FHAD1: variants seen among roughly 807,000 people sequenced by gnomAD.
The protein encoded by FHAD1 is forkhead-associated domain-containing protein 1.
In FHAD1, 146 loss-of-function variants were observed where a neutral mutation model predicts 191.3. The ratio of observed to expected loss-of-function variants is 0.76; its 90% CI spans 0.67 to 0.88. FHAD1 has a LOEUF of 0.88. Ranked by LOEUF, FHAD1 falls within the 40% of genes least tolerant of loss-of-function variation. The pLI, the probability that FHAD1 is intolerant of heterozygous loss-of-function variation, is 0.00. For synonymous variants in FHAD1, 616 were observed against 672.3 expected (o/e 0.92, Z 1.29); for missense variants, 1,635 against 1,785.8 (o/e 0.92, Z 1.52).
downstream of FHAD1, among the ~76,000 whole-genome samples, chr1:15,402,785 T>C (rs1380020476): frequency 6.6e-6 from 1 of 152,190 alleles, no homozygotes; most frequent in South Asian, 2.1e-4. Context: ...CTGCTTAATA[T>C]AGCACTTTCC....
chr1:15,391,749 G>C (rs533054261), intron 33 of FHAD1, among the ~76,000 whole-genome samples: 62 of 152,334 alleles, frequency 4.1e-4, no homozygotes, highest in African/African-American at 1.3e-3. Flanking sequence ...TTCTATGCAA[G>C]GGACATTTTT....
downstream of FHAD1, among the ~76,000 whole-genome samples, chr1:15,398,920 A>C (rs560694489): frequency 1.9e-4 from 29 of 151,934 alleles, no homozygotes; most frequent in East Asian, 3.7e-3. Flanking sequence ...TCCCAGGTTC[A>C]AGCCATTCTT....
chr1:15,241,921 G>C (rs112450712), intron 1 of FHAD1, among the ~76,000 whole-genome samples: 2 of 152,210 alleles, frequency 1.3e-5, no homozygotes, highest in African/African-American at 4.8e-5. Flanking sequence ...TTTTCAATAT[G>C]TATATTATCT....
chr1:15,379,151 A>C (rs1700319565), intron 28 of FHAD1, among the ~76,000 whole-genome samples: 2 of 152,200 alleles, frequency 1.3e-5, no homozygotes, highest in Admixed American at 1.3e-4. Flanking sequence ...CGTTCAGCAT[A>C]TGGAGGATCC....
chr1:15,317,592 A>C (rs977363421), intron 9 of FHAD1, among the ~76,000 whole-genome samples: 4 of 152,252 alleles, frequency 2.6e-5, no homozygotes, highest in African/African-American at 9.6e-5. Flanking sequence ...CTTCCAAAAG[A>C]AACTAATTTC....
intron 23 of FHAD1, chr1:15,363,906 G>T (rs1695603978): frequency 5.0e-6 from 2 of 400,034 alleles, no homozygotes; most frequent in South Asian, 3.6e-5. Flanking sequence ...CCTGACCCTT[G>T]CACCAAATCC....
At chr1:15,319,707 C>G (rs1675648961) in intron 10 of FHAD1, among the ~76,000 whole-genome samples, 1 of 152,130 alleles carries the variant, frequency 6.6e-6, no homozygotes, top group South Asian at 2.1e-4. Context: ...CAAAATAAAA[C>G]ACAGACAGAC....
intron 26 of FHAD1, 50 bp from the exon 27 acceptor site, chr1:15,374,452 G>A (rs550528496): frequency 3.2e-5 from 49 of 1,545,962 alleles, no homozygotes; most frequent in Non-Finnish European, 4.3e-5. Flanking sequence ...GAATGTAAGA[G>A]AAATCTTCTA....
At chr1:15,308,489 C>T in intron 6 of FHAD1, 124 bp from the exon 7 acceptor site, 2 of 1,348,190 alleles carry the variant, frequency 1.5e-6, no homozygotes, top group Admixed American at 2.6e-5. Context: ...AACTAAAAAG[C>T]TTGGTTTCCC....
chr1:15,272,245 A>G, intron 2 of FHAD1, 78 bp from the exon 3 acceptor site: 2 of 1,330,360 alleles, frequency 1.5e-6, no homozygotes, highest in South Asian at 1.3e-5. Flanking sequence ...CAAAACAGGT[A>G]AGGCACTCAG....
chr1:15,351,883 C>A (rs1691032681), intron 19 of FHAD1, among the ~76,000 whole-genome samples: 3 of 152,038 alleles, frequency 2.0e-5, no homozygotes, highest in Non-Finnish European at 4.4e-5. Context: ...GGGTGCCACA[C>A]AGGTAATGTT....
intron 25 of FHAD1, 62 bp from the exon 26 acceptor site, chr1:15,369,308 T>C (rs1247684545): frequency 7.2e-6 from 11 of 1,519,804 alleles, no homozygotes; most frequent in Non-Finnish European, 9.8e-6. Context: ...GGTCTTCCAA[T>C]GAGTGTAAAA....
At chr1:15,330,534 T>A (rs1041272443) in intron 14 of FHAD1, among the ~76,000 whole-genome samples, 3 of 151,912 alleles carry the variant, frequency 2.0e-5, no homozygotes, top group African/African-American at 7.3e-5. Context: ...GGGGGAAGGA[T>A]GAGGTGGGCA....
Position 15,316,497 on chromosome 1 carries a change from C to T in FHAD1, c.1260+30C>T, listed in dbSNP as rs577984385. ...GTTGAGCTTCCTCCTTTGTAGGTAC[C>T]ACCAGAAAAAACAGAGTTTGACCTT... On this transcript the variant is annotated intron_variant, in intron 9 of 33. Coordinates refer to ENST00000688493, the MANE Select transcript of FHAD1 (RefSeq NM_001391957.1). The surrounding 1 kb of genome is among the most constrained non-coding windows in gnomAD (Gnocchi z 4.3). 2 of 1,540,180 alleles carry T rather than the reference C, an allele frequency of 1.3e-6. No homozygotes were observed. Among genetic ancestry groups the T allele is most frequent in the East Asian group, 4.9e-5 (2 of 40,852 alleles).
chr1:15,380,079 G>A (rs546815292), intron 28 of FHAD1, among the ~76,000 whole-genome samples: 1 of 152,178 alleles, frequency 6.6e-6, no homozygotes, highest in Non-Finnish European at 1.5e-5. Context: ...ATAAAAGGAG[G>A]GGGGATGTTT....
At chr1:15,396,520 C>T (rs1032984454) in intron 33 of FHAD1, among the ~76,000 whole-genome samples, 5 of 151,968 alleles carry the variant, frequency 3.3e-5, no homozygotes, top group Non-Finnish European at 7.4e-5. Context: ...AAAAAAATAA[C>T]AAAACCAGCC....
intron 6 of FHAD1, among the ~76,000 whole-genome samples, chr1:15,307,195 G>A (rs1670770532): frequency 6.6e-6 from 1 of 152,162 alleles, no homozygotes; most frequent in Non-Finnish European, 1.5e-5. Context: ...AGACTTTCAT[G>A]GGCCCTGTAA....
At chr1:15,259,845 G>C (rs1218189097) in intron 2 of FHAD1, among the ~76,000 whole-genome samples, 1 of 152,162 alleles carries the variant, frequency 6.6e-6, no homozygotes, top group Admixed American at 6.5e-5. Flanking sequence ...GAGAAAGCCT[G>C]GTTTGCCAGG....
chr1:15,290,526 T>A (rs1558016725), intron 4 of FHAD1, among the ~76,000 whole-genome samples: 1 of 152,096 alleles, frequency 6.6e-6, no homozygotes, highest in East Asian at 1.9e-4. Context: ...GTCACCTTCC[T>A]CAGTCACTAA....
Sources: allele counts gnomAD v4.1 joint callset (sites outside exome capture counted in the v4.1 genomes callset), GRCh38; gene constraint gnomAD v4.1.1; non-coding constraint Gnocchi (gnomAD v3.1); transcripts MANE v1.5; gene names NCBI Gene and HGNC (gene_info 2026-07-23, HGNC 2026-07-21).